MBNL2: variants seen among roughly 807,000 people sequenced by gnomAD.
The protein encoded by MBNL2 is muscleblind like splicing regulator 2.
Under a neutral mutation model 41.9 loss-of-function variants are expected in MBNL2, and 17 were observed. The ratio of observed to expected loss-of-function variants is 0.41; its 90% CI spans 0.28 to 0.61. MBNL2 has a LOEUF of 0.61. Ranked by LOEUF, MBNL2 falls within the 20% of genes least tolerant of loss-of-function variation. The pLI is 0.35. For synonymous variants in MBNL2, 195 were observed against 182.9 expected (o/e 1.07, Z -0.53); for missense variants, 336 against 505.6 (o/e 0.66, Z 3.22).
At chr13:97,173,141 T>C in the MBNL2 span, among the ~76,000 whole-genome samples, 2 of 152,178 alleles carry the variant, frequency 1.3e-5, no homozygotes, top group Non-Finnish European at 2.9e-5. Context: ...TAACGATGAA[T>C]GGATGGGCTT....
Position 97,293,642 on chromosome 13 carries a change from CAT to C in MBNL2, c.174+17234_174+17235del, listed in dbSNP as rs1027747827. Among the ~76,000 whole-genome samples, 11 of 152,294 alleles carry C rather than the reference CAT, an allele frequency of 7.2e-5. No homozygotes were observed. In the South Asian group the frequency reaches 1.4e-3, roughly 20 times the overall value. Reference sequence around the variant, plus strand: ...ATGCAAGAAATTTTAATACTCCTCACATGTTTCCTTGTATTTCTAACAATTTT... The same window carrying C: ...ATGCAAGAAATTTTAATACTCCTCACGTTTCCTTGTATTTCTAACAATTTT... On this transcript the variant is annotated intron_variant, in intron 2 of 8. Transcript: ENST00000679496.
At chr13:97,143,261 A>C in the MBNL2 span, among the ~76,000 whole-genome samples, 6 of 152,234 alleles carry the variant, frequency 3.9e-5, no homozygotes, top group Non-Finnish European at 7.3e-5. Flanking sequence ...TCATATAAGC[A>C]GCTATTTATC....
chr13:97,217,384 G>T (rs948071235), upstream of MBNL2, among the ~76,000 whole-genome samples: 2 of 152,080 alleles, frequency 1.3e-5, no homozygotes, highest in African/African-American at 4.8e-5. Context: ...TTCTAGCGAG[G>T]TACATAAACA....
At chr13:97,199,596 T>C in the MBNL2 span, among the ~76,000 whole-genome samples, 1 of 152,348 alleles carries the variant, frequency 6.6e-6, no homozygotes, top group Non-Finnish European at 1.5e-5. Flanking sequence ...GCTGTGGGTA[T>C]GGAGAGAGAT....
At chr13:97,261,420 T>TG (rs2048606276) in intron 1 of MBNL2, among the ~76,000 whole-genome samples, 1 of 152,162 alleles carries the variant, frequency 6.6e-6, no homozygotes, top group African/African-American at 2.4e-5. Flanking sequence ...GTCACCTCCA[T>TG]GTGTACTAGC....
chr13:97,241,386 C>T (rs1012550028), intron 1 of MBNL2, among the ~76,000 whole-genome samples: 3 of 151,940 alleles, frequency 2.0e-5, no homozygotes, highest in Non-Finnish European at 2.9e-5. Context: ...AGAACAGAAA[C>T]GTGAAAAAAA....
chr13:97,346,729 C>T lies in MBNL2; in HGVS notation c.541-75C>T. The T allele has an allele frequency of 7.7e-7, 1 of 1,296,042 alleles. No individual in the cohort carries two copies. The highest frequency in any genetic ancestry group is 1.1e-6 in the Non-Finnish European group (1 of 921,442). 80.3% of individuals were successfully genotyped at this position (1,296,042 alleles called of 1,614,324 possible). On this transcript the variant is annotated intron_variant, in intron 4 of 8. Transcript: ENST00000679496. This position sits in a 1 kb window ranked among gnomAD's most constrained non-coding sequence, Gnocchi z 4.2. ...GAAAGCGAGGCAGCCTCCGCTCCTC[C>T]CGCGGTGGCCGGGGCCGCAGGGGCG...
chr13:97,290,143 T>C (rs958561856), intron 2 of MBNL2, among the ~76,000 whole-genome samples: 16 of 152,214 alleles, frequency 1.1e-4, no homozygotes, highest in African/African-American at 3.9e-4. Flanking sequence ...AATCACTATT[T>C]GCTCAAATAA....
intron 2 of MBNL2, among the ~76,000 whole-genome samples, chr13:97,298,151 C>T (rs1233233395): frequency 2.0e-5 from 3 of 151,712 alleles, no homozygotes; most frequent in African/African-American, 7.3e-5. Flanking sequence ...ACATTGTGCA[C>T]ATGTACCCTA....
In MBNL2 at chr13:97,268,109, CTTTT is replaced by C. The variant is rs917996563; in HGVS notation, c.-604-7522_-604-7519del. 3.4e-4 allele frequency among the ~76,000 whole-genome samples: 52 copies of C among 151,328 alleles called. No individual in the cohort carries two copies. Among genetic ancestry groups the C allele is most frequent in the African/African-American group, 1.2e-3 (50 of 40,878 alleles). ...CCTTCCTTCCTTCCTTCCTTTCTTT[CTTTT>C]GAGACAGCGTCGCTCTTGTCATCCA... On this transcript the variant is annotated intron_variant, in intron 1 of 8. Transcript: ENST00000679496. The surrounding 1 kb of genome is among the most constrained non-coding windows in gnomAD (Gnocchi z 4.6).
chr13:97,253,507 C>G (rs1009853855), intron 1 of MBNL2, among the ~76,000 whole-genome samples: 2 of 152,142 alleles, frequency 1.3e-5, no homozygotes, highest in Admixed American at 1.3e-4. Context: ...GATAGACACA[C>G]CTGTGGCAGG....
chr13:97,148,054 G>A, the MBNL2 span, among the ~76,000 whole-genome samples: 1 of 152,114 alleles, frequency 6.6e-6, no homozygotes, highest in African/African-American at 2.4e-5. Flanking sequence ...AAGAGGAGTC[G>A]GCATGGTTAA....
At chr13:97,142,349 G>A in the MBNL2 span, among the ~76,000 whole-genome samples, 2 of 152,160 alleles carry the variant, frequency 1.3e-5, no homozygotes, top group South Asian at 2.1e-4. Flanking sequence ...TTATTGAGAC[G>A]ATAGATTCAC....
chr13:97,375,425 T>C (rs2064870507), intron 8 of MBNL2, among the ~76,000 whole-genome samples: 1 of 152,184 alleles, frequency 6.6e-6, no homozygotes, highest in South Asian at 2.1e-4. Context: ...CATGGCCTCA[T>C]CCCTGAAGTG....
chr13:97,163,425 C>T, the MBNL2 span, among the ~76,000 whole-genome samples: 1 of 149,374 alleles, frequency 6.7e-6, no homozygotes, highest in African/African-American at 2.5e-5. Context: ...GAAGCTGGTC[C>T]AGGCACACTC....
Position 97,366,181 on chromosome 13 carries a change from A to G in MBNL2, c.1048+1010A>G, listed in dbSNP as rs371044915. On this transcript the variant is annotated intron_variant, in intron 8 of 8. Transcript: ENST00000679496. This position sits in a 1 kb window ranked among gnomAD's most constrained non-coding sequence, Gnocchi z 4.7. ...GGGAATGGATCTATTGTTAGAAATA[A>G]AATGTTTATAAATACATCAACCAAA... Among the ~76,000 whole-genome samples, 2 of 152,224 alleles carry G rather than the reference A, an allele frequency of 1.3e-5. No homozygotes were observed. Among genetic ancestry groups the G allele is most frequent in the East Asian group, 3.8e-4 (2 of 5,204 alleles).
chr13:97,171,203 A>G, the MBNL2 span, among the ~76,000 whole-genome samples: 6 of 152,196 alleles, frequency 3.9e-5, no homozygotes, highest in African/African-American at 1.4e-4. Context: ...AACACTTCCT[A>G]TAAGCCAGAA....
chr13:97,360,018 T>G (rs1409744379), intron 7 of MBNL2, among the ~76,000 whole-genome samples: 1 of 152,210 alleles, frequency 6.6e-6, no homozygotes, highest in African/African-American at 2.4e-5. Flanking sequence ...TCTAAAATGA[T>G]AATGGTAATA....
Position 97,334,513 on chromosome 13 carries a change from G to A in MBNL2, c.339+73G>A. On this transcript the variant is annotated intron_variant, in intron 3 of 8. Coordinates refer to ENST00000679496, the MANE Select transcript of MBNL2 (RefSeq NM_001382683.1). The surrounding 1 kb of genome is among the most constrained non-coding windows in gnomAD (Gnocchi z 5.3). ...TATGGATGATGCCACGTTGACCTAG[G>A]GTGGCCTCTCTCCACTTTGTCACTT... is the stretch of plus-strand genomic sequence containing the variant. 3.6e-6 allele frequency: 4 copies of A among 1,121,216 alleles called. No homozygotes were observed. The highest frequency in any genetic ancestry group is 2.7e-5 in the East Asian group (1 of 36,488). 69.5% of individuals were successfully genotyped at this position (1,121,216 alleles called of 1,614,324 possible). A position where few individuals can be genotyped will look rare whatever the true frequency, so the allele number is the denominator to read the frequency against.
Sources: allele counts gnomAD v4.1 joint callset (sites outside exome capture counted in the v4.1 genomes callset), GRCh38; gene constraint gnomAD v4.1.1; non-coding constraint Gnocchi (gnomAD v3.1); transcripts MANE v1.5; gene names NCBI Gene and HGNC (gene_info 2026-07-23, HGNC 2026-07-21).